The following ABCC4 variants were observed in gnomAD, a reference collection of about 807,000 sequenced individuals.
ABCC4 encodes the protein ATP binding cassette subfamily C member 4 (PEL blood group), also known as ATP-binding cassette sub-family C member 4.
Under a neutral mutation model 168.5 loss-of-function variants are expected in ABCC4, and 102 were observed. The observed-to-expected ratio is 0.61, with a 90% CI of 0.52 to 0.71. ABCC4 has a LOEUF of 0.71. ABCC4 is among the 30% of genes least tolerant of loss of function. The pLI is 0.00. For synonymous variants in ABCC4, 617 were observed against 590.7 expected (o/e 1.04, Z -0.65); for missense variants, 1,402 against 1,605.8 (o/e 0.87, Z 2.17).
chr13:95,057,208 T>G (rs1197281149), intron 26 of ABCC4, among the ~76,000 whole-genome samples: 5 of 152,140 alleles, frequency 3.3e-5, no homozygotes, highest in Non-Finnish European at 7.4e-5. Flanking sequence ...CCTGAAATTT[T>G]GAATACAAAT....
chr13:95,068,232 T>C (rs908569968), intron 25 of ABCC4, among the ~76,000 whole-genome samples: 1 of 152,164 alleles, frequency 6.6e-6, no homozygotes, highest in Admixed American at 6.5e-5. Context: ...AGACGAACCC[T>C]GAATATACAC....
At chr13:95,091,535 C>A (rs1239162672) in intron 20 of ABCC4, among the ~76,000 whole-genome samples, 1 of 152,142 alleles carries the variant, frequency 6.6e-6, no homozygotes, top group East Asian at 1.9e-4. Context: ...AATTTTGCAT[C>A]CAGTGAAACT....
rs2040207528 is a variant in ABCC4, at chr13:95,249,783, G to T, written c.75-2030C>A. 2.0e-5 allele frequency among the ~76,000 whole-genome samples: 3 copies of T among 152,086 alleles called. No homozygotes were observed. The South Asian group carries it at 6.2e-4, about 32-fold the overall frequency. ...ACTGGTGTCTTTTTGGACTAAAGAG[G>T]TTTTTTTAATCAGGGAATAAAACTG... On this transcript the variant is annotated intron_variant, in intron 1 of 30. Coordinates refer to ENST00000645237, the MANE Select transcript of ABCC4 (RefSeq NM_005845.5).
rs573055872 is a variant in ABCC4, at chr13:95,273,503, A to G, written c.75-25750T>C. Among the ~76,000 whole-genome samples, 84 of 152,290 alleles carry G rather than the reference A, an allele frequency of 5.5e-4. 1 individual carries two copies. The highest frequency in any genetic ancestry group is 1.8e-3 in the African/African-American group (76 of 41,558). ...AGGAGCAGATCATTGAAAATACAGC[A>G]AAGTTAAAATTAAACGCAACAAGGC... is the stretch of plus-strand genomic sequence containing the variant. On this transcript the variant is annotated intron_variant, in intron 1 of 30. Coordinates refer to ENST00000645237, the MANE Select transcript of ABCC4 (RefSeq NM_005845.5).
At chr13:95,297,268 TA>T (rs10652333) in intron 1 of ABCC4, among the ~76,000 whole-genome samples, 35 of 140,296 alleles carry the variant, frequency 2.5e-4, no homozygotes, top group African/African-American at 8.5e-4. Flanking sequence ...CTCTGTCTCA[TA>T]AAAAAAAAAA....
chr13:95,050,816 T>C (rs891584501), intron 27 of ABCC4, among the ~76,000 whole-genome samples: 1 of 152,248 alleles, frequency 6.6e-6, no homozygotes, highest in African/African-American at 2.4e-5. Flanking sequence ...ATGATGGTTT[T>C]TGATAGGATC....
At chr13:95,183,219 T>C (rs527409687) in intron 11 of ABCC4, among the ~76,000 whole-genome samples, 1 of 152,280 alleles carries the variant, frequency 6.6e-6, no homozygotes, top group Non-Finnish European at 1.5e-5. Context: ...GTTTGCATTT[T>C]ACAGACATTG....
intron 20 of ABCC4, among the ~76,000 whole-genome samples, chr13:95,108,163 T>C (rs1465214388): frequency 6.6e-6 from 1 of 152,310 alleles, no homozygotes; most frequent in East Asian, 1.9e-4. Flanking sequence ...ACTAAGTTTG[T>C]CTACCTTTAA....
intron 1 of ABCC4, among the ~76,000 whole-genome samples, chr13:95,275,744 T>A (rs2138896947): frequency 2.0e-5 from 1 of 49,764 alleles, no homozygotes; most frequent in African/African-American, 7.2e-5. Context: ...AGTAAGTTTC[T>A]GTCTCAAAAA....
At chr13:95,132,328 G>C (rs1386834708) in intron 19 of ABCC4, among the ~76,000 whole-genome samples, 1 of 152,058 alleles carries the variant, frequency 6.6e-6, no homozygotes, top group Admixed American at 6.6e-5. Context: ...TGATTCTCCT[G>C]CCTCAGCCTC....
chr13:95,043,762 T>C lies in ABCC4; in HGVS notation c.3655A>G (p.Ile1219Val). The C allele has an allele frequency of 6.4e-7, 1 of 1,569,748 alleles. No individual in the cohort carries two copies. Among genetic ancestry groups the C allele is most frequent in the Non-Finnish European group, 8.7e-7 (1 of 1,148,510 alleles). Residue 1219 changes from isoleucine (I) to valine (V), a missense_variant, in exon 29 of 31, where the codon ATC (isoleucine) becomes GTC (valine). This residue lies in a region of ABCC4 where 1,007 missense variants were observed against 1,127.3 expected (regional missense o/e 0.89). Coordinates refer to ENST00000645237, the MANE Select transcript of ABCC4 (RefSeq NM_005845.5). ...GTGCAGTGGGCAAATTTCTCCCGGA[T>C]TTTTTTTTGTATTAACTCATCAGTT... ...PRTDELIQKK[I>V]REKFAHCTVL...
At chr13:95,171,898 T>TATACCCCTCTTCAGGTTTAGTACTA in intron 13 of ABCC4, among the ~76,000 whole-genome samples, 1 of 152,294 alleles carries the variant, frequency 6.6e-6, no homozygotes, top group East Asian at 1.9e-4. Flanking sequence ...GTTTAGTACT[T>TATACCCCTCTTCAGGTTTAGTACTA]ATACCCCTCT....
intron 25 of ABCC4, among the ~76,000 whole-genome samples, chr13:95,070,193 G>A (rs142099209): frequency 2.0e-5 from 3 of 152,256 alleles, no homozygotes; most frequent in East Asian, 1.9e-4. Flanking sequence ...GCAGTGTGCC[G>A]GGAATGTGAC....
At chr13:95,125,544 AATG>A (rs1408066262) in intron 19 of ABCC4, among the ~76,000 whole-genome samples, 4 of 152,196 alleles carry the variant, frequency 2.6e-5, no homozygotes, top group African/African-American at 4.8e-5. Flanking sequence ...TGAATGAATG[AATG>A]AATGAATGAA....
chr13:95,047,991 T>C (rs2032666584), intron 27 of ABCC4, among the ~76,000 whole-genome samples: 1 of 152,282 alleles, frequency 6.6e-6, no homozygotes, highest in South Asian at 2.1e-4. Context: ...TGTAAAAACC[T>C]CCCCACACAT....
intron 21 of ABCC4, among the ~76,000 whole-genome samples, chr13:95,082,662 T>C (rs2034134686): frequency 6.6e-6 from 1 of 152,216 alleles, no homozygotes; most frequent in South Asian, 2.1e-4. Flanking sequence ...ACCAAATACA[T>C]TGCTTCTGAC....
intron 19 of ABCC4, among the ~76,000 whole-genome samples, chr13:95,129,213 A>G (rs1259663949): frequency 6.6e-6 from 1 of 152,262 alleles, no homozygotes; most frequent in African/African-American, 2.4e-5. Context: ...TAAATTTAAA[A>G]AAACAAATAT....
chr13:95,102,465 T>C (rs2034844593), intron 20 of ABCC4, among the ~76,000 whole-genome samples: 2 of 152,052 alleles, frequency 1.3e-5, no homozygotes, highest in Admixed American at 6.6e-5. Flanking sequence ...ATTATTTTTA[T>C]AGAGAAGGGG....
At chr13:95,265,298 C>T (rs2138862813) in intron 1 of ABCC4, among the ~76,000 whole-genome samples, 1 of 152,118 alleles carries the variant, frequency 6.6e-6, no homozygotes, top group Admixed American at 6.5e-5. Flanking sequence ...TATGTATGCA[C>T]CACTCTTGCA....
Sources: allele counts gnomAD v4.1 joint callset (sites outside exome capture counted in the v4.1 genomes callset), GRCh38; gene constraint gnomAD v4.1.1; regional missense constraint gnomAD v4.1.1; transcripts MANE v1.5; gene names NCBI Gene and HGNC (gene_info 2026-07-23, HGNC 2026-07-21).